The following CPEB3 variants were observed in gnomAD, a reference collection of about 807,000 sequenced individuals.
CPEB3 encodes the protein cytoplasmic polyadenylation element-binding protein 3.
Under a neutral mutation model 67.2 loss-of-function variants are expected in CPEB3, and 20 were observed. The ratio of observed to expected loss-of-function variants is 0.30; its 90% CI spans 0.21 to 0.43. The LOEUF is 0.43. Ranked by LOEUF, CPEB3 falls within the 20% of genes least tolerant of loss-of-function variation. CPEB3 has a pLI of 1.00. For synonymous variants in CPEB3, 376 were observed against 393.1 expected (o/e 0.96, Z 0.51); for missense variants, 746 against 968.6 (o/e 0.77, Z 3.05).
At chr10:92,196,641 G>A (rs1172065763) in intron 2 of CPEB3, among the ~76,000 whole-genome samples, 2 of 151,924 alleles carry the variant, frequency 1.3e-5, no homozygotes, top group African/African-American at 2.4e-5. Flanking sequence ...GGTGACACGC[G>A]CCTGTAGTCC....
At chr10:92,119,997 G>A (rs1845259031) in intron 6 of CPEB3, among the ~76,000 whole-genome samples, 3 of 150,086 alleles carry the variant, frequency 2.0e-5, no homozygotes, top group Non-Finnish European at 4.4e-5. Context: ...GCTCACGCCT[G>A]TAATCCCAGC....
intron 6 of CPEB3, among the ~76,000 whole-genome samples, chr10:92,132,582 T>C (rs898923842): frequency 1.3e-5 from 2 of 151,188 alleles, no homozygotes; most frequent in Admixed American, 6.6e-5. Flanking sequence ...TTAAAGAGGG[T>C]CAAAAAGTAA....
intron 4 of CPEB3, among the ~76,000 whole-genome samples, chr10:92,160,060 C>T (rs1187574007): frequency 4.6e-5 from 7 of 152,036 alleles, no homozygotes; most frequent in East Asian, 1.9e-4. Flanking sequence ...GATTCTCCTG[C>T]GTCAGCCTCC....
At chr10:92,202,073 C>T (rs1298594213) in intron 2 of CPEB3, among the ~76,000 whole-genome samples, 1 of 152,050 alleles carries the variant, frequency 6.6e-6, no homozygotes, top group Non-Finnish European at 1.5e-5. Flanking sequence ...TACTCATTTA[C>T]TAGAATGGAT....
At position 92,240,270 on chromosome 10, in the gene CPEB3, T is replaced by C. The variant is rs955216835; in HGVS notation, c.81A>G (p.Gln27=). The C allele has an allele frequency of 1.3e-6, 2 of 1,518,230 alleles. No homozygotes were observed. Among genetic ancestry groups the C allele is most frequent in the Admixed American group, 4.4e-5 (2 of 45,196 alleles). The allele number at this position is 1,518,230 out of a possible 1,614,324, so 94.0% of individuals were successfully genotyped here. A position where few individuals can be genotyped will look rare whatever the true frequency, so the allele number is the denominator to read the frequency against. The change falls in exon 2 of 10, where the codon CAA becomes CAG. Residue 27 remains glutamine, a synonymous_variant. Coordinates refer to ENST00000265997, the MANE Select transcript of CPEB3 (RefSeq NM_014912.5). ...GGGCTTCGGATACGCTGGACTCAGG[T>C]TGGGGCTGCTGCTGCTGCCGCTGCT... is the stretch of plus-strand genomic sequence containing the variant. ...QQQQRQQQQP[Q]PESSVSEAPS... is the part of the protein sequence containing the mutation.
intron 2 of CPEB3, among the ~76,000 whole-genome samples, chr10:92,222,156 A>G (rs1452581827): frequency 6.6e-6 from 1 of 152,028 alleles, no homozygotes; most frequent in Non-Finnish European, 1.5e-5. Flanking sequence ...ATGAATTGCA[A>G]GCTTACCTAG....
intron 1 of CPEB3, among the ~76,000 whole-genome samples, chr10:92,247,116 GAAGAA>G (rs1228163977): frequency 1.3e-5 from 2 of 151,982 alleles, no homozygotes; most frequent in African/African-American, 2.4e-5. Context: ...AAATACAGAC[GAAGAA>G]AAGAAAAAAT....
chr10:92,228,692 T>C (rs1851104327), intron 2 of CPEB3, among the ~76,000 whole-genome samples: 1 of 151,894 alleles, frequency 6.6e-6, no homozygotes, highest in African/African-American at 2.4e-5. Flanking sequence ...TAACCTGTTC[T>C]TTGTCGAATT....
In CPEB3 at chr10:92,052,033, A is replaced by G. The variant is rs766311106; in HGVS notation, c.*179T>C. ...ACTCTGCAATTCTGCATTATACTGG[A>G]CACTGAGTTCAGTAATATGACTGTA... On this transcript the variant is annotated 3_prime_UTR_variant, in exon 10 of 10. Transcript: ENST00000265997. The G allele has an allele frequency of 1.7e-6, 1 of 575,382 alleles. No homozygotes were observed. Among genetic ancestry groups the G allele is most frequent in the Non-Finnish European group, 3.1e-6 (1 of 323,326 alleles). The allele number at this position is 575,382 out of a possible 1,614,324, so 35.6% of individuals were successfully genotyped here.
chr10:92,247,090 A>T (rs919517329), intron 1 of CPEB3, among the ~76,000 whole-genome samples: 1 of 152,230 alleles, frequency 6.6e-6, no homozygotes, highest in African/African-American at 2.4e-5. Context: ...TGACTCGAAC[A>T]TAAGCACCAA....
At chr10:92,168,065 C>T (rs1847828242) in intron 4 of CPEB3, among the ~76,000 whole-genome samples, 2 of 152,054 alleles carry the variant, frequency 1.3e-5, no homozygotes, top group South Asian at 4.1e-4. Context: ...AGAAAAACAG[C>T]ACAACTGTTG....
In CPEB3 at chr10:92,275,045, C is replaced by T. The variant is rs573548346; in HGVS notation, c.-12+15881G>A. 2.6e-5 allele frequency among the ~76,000 whole-genome samples: 4 copies of T among 152,304 alleles called. No homozygotes were observed. The South Asian group carries it at 6.2e-4, about 24-fold the overall frequency. ...CTGCTACCACAATTCTCTGGGACAG[C>T]CACTACTTGACTGTTCCCAGGTTGA... On this transcript the variant is annotated intron_variant, in intron 1 of 9. Transcript: ENST00000265997.
intron 2 of CPEB3, among the ~76,000 whole-genome samples, chr10:92,238,850 G>T (rs1460277473): frequency 6.6e-6 from 1 of 152,200 alleles, no homozygotes; most frequent in African/African-American, 2.4e-5. Context: ...ATACGCAACC[G>T]TCTGAAATAG....
intron 2 of CPEB3, among the ~76,000 whole-genome samples, chr10:92,209,398 G>A (rs1849957655): frequency 6.6e-6 from 1 of 152,094 alleles, no homozygotes; most frequent in Non-Finnish European, 1.5e-5. Context: ...GGTGGCACAT[G>A]CCTGTAATCC....
In CPEB3 at chr10:92,052,395, C is replaced by T. The variant is rs1326462273; in HGVS notation, c.1914G>A (p.Glu638=). The change falls in exon 10 of 10, where the codon GAG becomes GAA. Residue 638 remains glutamate (E), a synonymous_variant. Coordinates refer to ENST00000265997, the MANE Select transcript of CPEB3 (RefSeq NM_014912.5). ...TCCCACCACAGCGTGTGCCCTGGCA[C>T]TCATCACACATCTGATCATCCAGCA... ...PYVLDDQMCD[E]CQGTRCGGKF... 3.1e-6 allele frequency: 5 copies of T among 1,614,102 alleles called. No individual in the cohort carries two copies. Among genetic ancestry groups the T allele is most frequent in the Non-Finnish European group, 4.2e-6 (5 of 1,180,042 alleles).
At chr10:92,259,332 T>C (rs931577804) in intron 1 of CPEB3, among the ~76,000 whole-genome samples, 63 of 151,654 alleles carry the variant, frequency 4.2e-4, no homozygotes, top group Admixed American at 1.2e-3. Context: ...CCGGGTGCGA[T>C]GGCTCATGCC....
chr10:92,113,138 AAGAG>A (rs1279377006), intron 6 of CPEB3, among the ~76,000 whole-genome samples: 1 of 152,234 alleles, frequency 6.6e-6, no homozygotes, highest in Non-Finnish European at 1.5e-5. Flanking sequence ...ATGTAGTTGC[AAGAG>A]AGAGACTGCC....
At chr10:92,151,490 G>C (rs1237258692) in intron 4 of CPEB3, among the ~76,000 whole-genome samples, 3 of 152,152 alleles carry the variant, frequency 2.0e-5, no homozygotes, top group African/African-American at 7.2e-5. Context: ...TTCACTTATG[G>C]TCTCATTTGC....
intron 9 of CPEB3, among the ~76,000 whole-genome samples, chr10:92,069,719 T>C (rs1842683657): frequency 6.6e-6 from 1 of 152,124 alleles, no homozygotes; most frequent in South Asian, 2.1e-4. Context: ...GTTCTTTAAA[T>C]AAAAAGTATT....
Sources: allele counts gnomAD v4.1 joint callset (sites outside exome capture counted in the v4.1 genomes callset), GRCh38; gene constraint gnomAD v4.1.1; transcripts MANE v1.5; gene names NCBI Gene and HGNC (gene_info 2026-07-23, HGNC 2026-07-21).